Variants in CTNNA2 observed in about 807,000 individuals in gnomAD.
CTNNA2 encodes the protein catenin alpha 2, also known as catenin alpha-2.
In CTNNA2, 42 loss-of-function variants were observed where a neutral mutation model predicts 101.0. That is an observed-to-expected ratio of 0.42 (90% CI 0.32 to 0.54). The LOEUF (loss-of-function observed/expected upper bound fraction) is 0.54, where lower values mean the gene tolerates loss of function less well. Ranked by LOEUF, CTNNA2 falls within the 20% of genes least tolerant of loss-of-function variation. CTNNA2 has a pLI of 0.14. For synonymous variants in CTNNA2, 450 were observed against 456.4 expected, an observed-to-expected ratio of 0.99 and a Z score of 0.18; for missense variants, 871 against 1,223.1, an observed-to-expected ratio of 0.71 and a Z score of 4.29.
At chr2:79,841,493 G>A (rs182048885) in intron 3 of CTNNA2, among the ~76,000 whole-genome samples, 48 of 152,236 alleles carry the variant, frequency 3.2e-4, no homozygotes, top group Non-Finnish European at 3.5e-4. Context: ...TAAGAAGGTG[G>A]GAATTTAAAA....
At chr2:80,322,338 T>A (rs1678780093) in intron 7 of CTNNA2, among the ~76,000 whole-genome samples, 2 of 152,158 alleles carry the variant, frequency 1.3e-5, no homozygotes, top group African/African-American at 4.8e-5. Flanking sequence ...GACCCATGAA[T>A]GGGTGTAGAT....
chr2:79,786,422 C>A (rs1012851985), intron 3 of CTNNA2, among the ~76,000 whole-genome samples: 1 of 152,010 alleles, frequency 6.6e-6, no homozygotes, highest in Non-Finnish European at 1.5e-5. Context: ...ACACATCCTA[C>A]TTTAAGATTT....
intron 1 of CTNNA2, among the ~76,000 whole-genome samples, chr2:79,625,210 A>G (rs1316257180): frequency 1.3e-5 from 2 of 152,208 alleles, no homozygotes; most frequent in Admixed American, 6.5e-5. Flanking sequence ...AATGAGATAC[A>G]CAGGAAAAAA....
chr2:80,332,053 G>A (rs1442725517), intron 7 of CTNNA2, among the ~76,000 whole-genome samples: 1 of 152,104 alleles, frequency 6.6e-6, no homozygotes, highest in Non-Finnish European at 1.5e-5. Flanking sequence ...ATTTAATGGA[G>A]TGCCTTTTAG....
intron 2 of CTNNA2, among the ~76,000 whole-genome samples, chr2:79,245,537 C>A (rs964714731): frequency 1.3e-5 from 2 of 152,148 alleles, no homozygotes. Context: ...CAAGGATGGG[C>A]CTGGACCCAG....
At chr2:80,267,339 G>A (rs1673078592) in intron 7 of CTNNA2, among the ~76,000 whole-genome samples, 1 of 152,204 alleles carries the variant, frequency 6.6e-6, no homozygotes, top group Admixed American at 6.5e-5. Flanking sequence ...TAATAAGTAA[G>A]AGAAATGAAA....
Position 80,303,569 on chromosome 2 carries a change from T to C in CTNNA2, c.1057-89642T>C. The C allele has an allele frequency of 1.2e-6, 2 of 1,614,210 alleles. No individual in the cohort carries two copies. Among genetic ancestry groups the C allele is most frequent in the Non-Finnish European group, 1.7e-6 (2 of 1,180,030 alleles). ...CGTGAGCTGCATTAACCCCGTGAAC[T>C]GGCCGGCGCGCAGCTCCGAGAGGCT... On this transcript the variant is annotated intron_variant, in intron 7 of 18. Coordinates refer to ENST00000402739, the MANE Select transcript of CTNNA2 (RefSeq NM_001282597.3). The surrounding 1 kb of genome is among the most constrained non-coding windows in gnomAD (Gnocchi z 7.7).
At chr2:80,625,124 A>C (rs947377827) in intron 18 of CTNNA2, among the ~76,000 whole-genome samples, 5 of 152,028 alleles carry the variant, frequency 3.3e-5, no homozygotes, top group African/African-American at 7.2e-5. Context: ...TAAAATTATA[A>C]GAGTGATATT....
intron 7 of CTNNA2, among the ~76,000 whole-genome samples, chr2:80,205,574 C>T (rs7581679): frequency 1.6e-3 from 251 of 152,288 alleles, no homozygotes; most frequent in African/African-American, 5.8e-3. Context: ...TCTTCTTTAG[C>T]AGGAATATAT....
chr2:79,583,086 C>T (rs956293442), intron 1 of CTNNA2, among the ~76,000 whole-genome samples: 2 of 151,954 alleles, frequency 1.3e-5, no homozygotes, highest in African/African-American at 2.4e-5. Flanking sequence ...CATGGCTTAG[C>T]ATTATTCTAC....
At position 80,173,991 on chromosome 2, in the gene CTNNA2, G is replaced by C. The variant is rs557330268; in HGVS notation, c.1057-219220G>C. ...GTCATGCCTGTTGCAACAAAGAAAT[G>C]CTAAAGGATCCATTCCACTATTGCA... On this transcript the variant is annotated intron_variant, in intron 7 of 18. Coordinates refer to ENST00000402739, the MANE Select transcript of CTNNA2 (RefSeq NM_001282597.3). Among the ~76,000 whole-genome samples the C allele has an allele frequency of 1.4e-4, 21 of 152,280 alleles. 1 individual carries two copies. The highest frequency in any genetic ancestry group is 4.8e-4 in the African/African-American group (20 of 41,556).
intron 1 of CTNNA2, among the ~76,000 whole-genome samples, chr2:79,601,465 G>A (rs1029589606): frequency 1.3e-5 from 2 of 152,194 alleles, no homozygotes; most frequent in Admixed American, 1.3e-4. Flanking sequence ...CATTGGTTAA[G>A]GAGTGAGGTC....
intron 7 of CTNNA2, among the ~76,000 whole-genome samples, chr2:80,333,773 A>G (rs138832136): frequency 0.017 from 2,570 of 152,264 alleles, 72 homozygotes; most frequent in African/African-American, 0.058. Flanking sequence ...GCAGGTGCGC[A>G]CCATCATGCC....
At chr2:80,133,386 C>T (rs988978481) in intron 7 of CTNNA2, among the ~76,000 whole-genome samples, 9 of 152,048 alleles carry the variant, frequency 5.9e-5, no homozygotes, top group South Asian at 2.1e-4. Flanking sequence ...CACTTTGTTA[C>T]GTCAGCCCTG....
At chr2:80,160,415 T>G (rs1276592039) in intron 7 of CTNNA2, among the ~76,000 whole-genome samples, 1 of 152,228 alleles carries the variant, frequency 6.6e-6, no homozygotes, top group African/African-American at 2.4e-5. Context: ...TTACCTTGAA[T>G]CTTCCAACCA....
At chr2:80,322,096 A>T (rs961466891) in intron 7 of CTNNA2, among the ~76,000 whole-genome samples, 1 of 152,216 alleles carries the variant, frequency 6.6e-6, no homozygotes, top group African/African-American at 2.4e-5. Context: ...AGAATTTCAT[A>T]GAACTACTTT....
chr2:80,355,168 T>C (rs769400977), intron 7 of CTNNA2, among the ~76,000 whole-genome samples: 30 of 152,136 alleles, frequency 2.0e-4, no homozygotes, highest in Non-Finnish European at 3.7e-4. Flanking sequence ...ACATATCCAT[T>C]CTCTCTTTTT....
At chr2:80,600,068 T>G (rs1357129055) in intron 15 of CTNNA2, among the ~76,000 whole-genome samples, 2 of 151,836 alleles carry the variant, frequency 1.3e-5, no homozygotes, top group East Asian at 1.9e-4. Context: ...TATACAGAAT[T>G]TAAAGATAAA....
intron 1 of CTNNA2, among the ~76,000 whole-genome samples, chr2:79,570,907 C>T (rs868622314): frequency 3.9e-5 from 6 of 152,112 alleles, no homozygotes; most frequent in African/African-American, 1.4e-4. Flanking sequence ...AACATCCAAA[C>T]TCCAAAGTAT....
Sources: gnomAD v4.1 joint callset for allele counts (sites outside exome capture counted in the v4.1 genomes callset) on GRCh38, gnomAD v4.1.1 for gene constraint, Gnocchi (gnomAD v3.1) non-coding constraint, MANE v1.5 for transcripts, NCBI Gene and HGNC (gene_info 2026-07-23, HGNC 2026-07-21) for gene names.